NAV3: variants seen among roughly 807,000 people sequenced by gnomAD.
NAV3 encodes neuron navigator 3, also known as pore membrane and/or filament interacting like protein 1.
A neutral mutation model predicts 244.7 loss-of-function variants in NAV3; 87 were observed. The observed-to-expected ratio is 0.36, with a 90% CI of 0.30 to 0.42. NAV3 has a LOEUF of 0.42. Among genes scored for constraint, NAV3 ranks in the 20% least tolerant of loss-of-function variants. The pLI, the probability that NAV3 is intolerant of heterozygous loss-of-function variation, is 1.00. For missense variants in NAV3, 2,663 were observed against 2,893.3 expected, an observed-to-expected ratio of 0.92 and a Z score of 1.83; for synonymous variants, 1,126 against 1,042.2, an observed-to-expected ratio of 1.08 and a Z score of -1.55.
intron 2 of NAV3, among the ~76,000 whole-genome samples, chr12:77,662,900 A>G (rs1873530849): frequency 6.6e-6 from 1 of 152,096 alleles, no homozygotes. Context: ...TCCCCAGAGG[A>G]TGAGTATTTA....
rs758052967 is a variant in NAV3 at position 78,177,644 on chromosome 12, G to T, written c.5322G>T (p.Lys1774Asn). ...ASASPLVWPP[K>N]KRQNGPVIYK... is the part of the protein sequence containing the mutation. ...GGTCACCCCTTGTCTGGCCACCAAA[G>T]AAACGACAAAATGGCCCTGTGATCT... Residue 1774 changes from lysine to asparagine, a missense_variant, in exon 28 of 40, where the codon AAG becomes AAT. By Grantham distance (94) the Lys-to-Asn change is moderately conservative. This residue lies in a region of NAV3 where 193 missense variants were observed against 200.7 expected (regional missense o/e 0.96). Coordinates refer to ENST00000397909, the MANE Select transcript of NAV3 (RefSeq NM_001024383.2). The T allele has an allele frequency of 3.1e-6, 5 of 1,597,258 alleles. No individual in the cohort carries two copies. The South Asian group carries it at 5.5e-5, about 18-fold the overall frequency.
At chr12:78,048,732 G>A (rs538806614) in intron 9 of NAV3, among the ~76,000 whole-genome samples, 11 of 152,192 alleles carry the variant, frequency 7.2e-5, no homozygotes, top group East Asian at 1.9e-4. Flanking sequence ...GTCCCTTAGC[G>A]GAGCTAGAAC....
intron 2 of NAV3, among the ~76,000 whole-genome samples, chr12:77,618,509 T>C (rs1871231273): frequency 6.6e-6 from 1 of 152,192 alleles, no homozygotes. Context: ...GATACTATTG[T>C]TAGTATTTTA....
chr12:77,824,502 A>C (rs1357509114), intron 2 of NAV3, among the ~76,000 whole-genome samples: 1 of 152,160 alleles, frequency 6.6e-6, no homozygotes, highest in Non-Finnish European at 1.5e-5. Context: ...AGGGAGGTAG[A>C]AAATAAGTTT....
At chr12:77,874,827 A>G (rs1288437708) in intron 1 of NAV3, among the ~76,000 whole-genome samples, 1 of 152,100 alleles carries the variant, frequency 6.6e-6, no homozygotes, top group African/African-American at 2.4e-5. Flanking sequence ...TGAATTAAGC[A>G]TCAGAGACAC....
chr12:78,037,247 C>T, intron 9 of NAV3: 1 of 702,954 alleles, frequency 1.4e-6, no homozygotes, highest in Admixed American at 2.0e-5. Context: ...ACGTGTCCTC[C>T]AAGCCAAGCA....
chr12:77,815,716 C>CA (rs1555207962), intron 2 of NAV3, among the ~76,000 whole-genome samples: 1 of 151,842 alleles, frequency 6.6e-6, no homozygotes, highest in African/African-American at 2.4e-5. Flanking sequence ...TTCATCAAAT[C>CA]TTTTTTTTCC....
intron 2 of NAV3, among the ~76,000 whole-genome samples, chr12:77,816,454 C>A (rs1344312773): frequency 6.6e-6 from 1 of 152,120 alleles, no homozygotes. Flanking sequence ...ACTCTCTTTC[C>A]TTTGAGTTAA....
At chr12:77,745,031 G>A (rs1307569283) in intron 2 of NAV3, among the ~76,000 whole-genome samples, 3 of 151,842 alleles carry the variant, frequency 2.0e-5, no homozygotes, top group Non-Finnish European at 4.4e-5. Context: ...TTATCTGTGT[G>A]TCTCATTTTG....
At chr12:77,605,442 C>T (rs1870628723) in intron 2 of NAV3, among the ~76,000 whole-genome samples, 1 of 152,046 alleles carries the variant, frequency 6.6e-6, no homozygotes, top group African/African-American at 2.4e-5. Context: ...GGGAACAAAG[C>T]TCCAGGCCAT....
At chr12:77,824,843 A>C (rs1023017286) in intron 2 of NAV3, among the ~76,000 whole-genome samples, 2 of 152,246 alleles carry the variant, frequency 1.3e-5, no homozygotes, top group Middle Eastern at 3.4e-3. Context: ...CCGTGAGCCA[A>C]GATTGCACCA....
intron 1 of NAV3, among the ~76,000 whole-genome samples, chr12:77,853,158 G>A (rs1250369144): frequency 6.6e-6 from 1 of 152,160 alleles, no homozygotes; most frequent in Non-Finnish European, 1.5e-5. Flanking sequence ...ATTGTTATGA[G>A]GCCACAGGTC....
intron 2 of NAV3, among the ~76,000 whole-genome samples, chr12:77,690,606 G>T (rs1230394588): frequency 4.6e-5 from 7 of 150,710 alleles, no homozygotes; most frequent in African/African-American, 1.7e-4. Context: ...TTTGCGGCCA[G>T]AAATCTGTGC....
At chr12:77,846,489 G>T (rs1489167917) in intron 1 of NAV3, among the ~76,000 whole-genome samples, 1 of 152,160 alleles carries the variant, frequency 6.6e-6, no homozygotes, top group Non-Finnish European at 1.5e-5. Flanking sequence ...ATTTTAGTGC[G>T]CAGTGTCTTG....
chr12:78,187,197 T>G (rs1308979354), intron 31 of NAV3, among the ~76,000 whole-genome samples: 3 of 151,954 alleles, frequency 2.0e-5, no homozygotes, highest in African/African-American at 7.2e-5. Flanking sequence ...TATACCTGAA[T>G]AATTTTGATA....
At chr12:78,147,008 C>A (rs1956889472) in intron 21 of NAV3, among the ~76,000 whole-genome samples, 1 of 152,044 alleles carries the variant, frequency 6.6e-6, no homozygotes, top group Non-Finnish European at 1.5e-5. Flanking sequence ...TTAATTATGA[C>A]TTTATTCAAG....
At chr12:77,684,987 G>C (rs1874650396) in intron 2 of NAV3, among the ~76,000 whole-genome samples, 1 of 151,878 alleles carries the variant, frequency 6.6e-6, no homozygotes, top group South Asian at 2.1e-4. Flanking sequence ...CTGTTCCATT[G>C]GTCTATTCAT....
intron 3 of NAV3, among the ~76,000 whole-genome samples, chr12:77,960,638 A>G (rs972476449): frequency 2.7e-5 from 4 of 148,076 alleles, no homozygotes; most frequent in African/African-American, 9.8e-5. Flanking sequence ...TACTTTAACA[A>G]TGTTTATACA....
intron 2 of NAV3, among the ~76,000 whole-genome samples, chr12:77,769,005 T>G (rs888564587): frequency 6.6e-6 from 1 of 152,236 alleles, no homozygotes; most frequent in Non-Finnish European, 1.5e-5. Flanking sequence ...GAGTCATACA[T>G]TAATCCTTTA....
Sources: allele counts gnomAD v4.1 joint callset (sites outside exome capture counted in the v4.1 genomes callset), GRCh38; gene constraint gnomAD v4.1.1; regional missense constraint gnomAD v4.1.1; transcripts MANE v1.5; gene names NCBI Gene and HGNC (gene_info 2026-07-23, HGNC 2026-07-21).